Variants in RUVBL2 observed in about 807,000 individuals in gnomAD.
RUVBL2 encodes ruvB-like 2.
A neutral mutation model predicts 57.9 loss-of-function variants in RUVBL2; 9 were observed. The observed-to-expected ratio is 0.16, with a 90% CI of 0.09 to 0.27. The LOEUF (loss-of-function observed/expected upper bound fraction) is 0.27. Ranked by LOEUF, RUVBL2 falls within the 10% of genes least tolerant of loss-of-function variation. The pLI is 1.00. For missense variants in RUVBL2, 456 were observed against 669.6 expected, an observed-to-expected ratio of 0.68 and a Z score of 3.52; for synonymous variants, 278 against 264.6, an observed-to-expected ratio of 1.05 and a Z score of -0.49.
chr19:49,009,195 A>G (rs1279534769), intron 6 of RUVBL2, among the ~76,000 whole-genome samples: 2 of 118,666 alleles, frequency 1.7e-5, no homozygotes, highest in African/African-American at 3.5e-5. Context: ...AAAAAAAAAA[A>G]AGAGCTTTAT....
chr19:48,999,572 G>A (rs968886232), intron 2 of RUVBL2, among the ~76,000 whole-genome samples, 199 bp downstream of exon 2: 25 of 152,140 alleles, frequency 1.6e-4, no homozygotes, highest in African/African-American at 5.8e-4. Context: ...GATGCACTGG[G>A]GACCAGGCTG....
chr19:49,002,712 G>A (rs1327360985), intron 2 of RUVBL2, among the ~76,000 whole-genome samples: 1 of 152,112 alleles, frequency 6.6e-6, no homozygotes, highest in Non-Finnish European at 1.5e-5. Context: ...AGCCTCCTGA[G>A]AAGCTGGGAT....
chr19:49,004,556 C>A, intron 4 of RUVBL2, 138 bp downstream of exon 4: 1 of 852,628 alleles, frequency 1.2e-6, no homozygotes, highest in Non-Finnish European at 1.8e-6. Context: ...TCATTCTTGC[C>A]CATGGAAGAA....
At position 49,009,843 on chromosome 19, in the gene RUVBL2, A is replaced by G; in HGVS notation, c.530A>G (p.Lys177Arg). 1 of 1,614,096 alleles carries G rather than the reference A, an allele frequency of 6.2e-7. No individual in the cohort carries two copies. The highest frequency in any genetic ancestry group is 8.5e-7 in the Non-Finnish European group (1 of 1,180,014). Residue 177 changes from lysine to arginine, a missense_variant, in exon 7 of 15, where the codon AAG becomes AGG. By Grantham distance (26) the Lys-to-Arg change is conservative. Coordinates refer to ENST00000595090, the MANE Select transcript of RUVBL2 (RefSeq NM_006666.3). ...EMETIYDLGT[K>R]MIESLTKDKV... is the part of the protein sequence containing the mutation. ...GAGACCATCTACGACCTGGGCACCA[A>G]GATGATTGAGTCCCTGACCAAGGAC...
In RUVBL2 at chr19:48,993,911, C is replaced by T. The variant is rs751739466; in HGVS notation, c.-1C>T. On this transcript the variant is annotated 5_prime_UTR_variant, in exon 1 of 15. Transcript: ENST00000595090. ...TAGGACTCTGGCAGTTGGTGAGCAT[C>T]ATGGCAACCGTTGTAAGTGTGGGTG... The T allele has an allele frequency of 6.2e-7, 1 of 1,613,982 alleles. No individual in the cohort carries two copies. The highest frequency in any genetic ancestry group is 1.3e-5 in the African/African-American group (1 of 74,914).
chr19:49,008,966 C>T (rs923638487), intron 6 of RUVBL2, among the ~76,000 whole-genome samples: 22 of 147,276 alleles, frequency 1.5e-4, no homozygotes, highest in Admixed American at 1.1e-3. Context: ...GCAACAAGAG[C>T]GAAACTCCAT....
At chr19:49,006,844 C>T (rs990629798) in intron 4 of RUVBL2, among the ~76,000 whole-genome samples, 174 bp from the exon 5 acceptor site, 38 of 152,248 alleles carry the variant, frequency 2.5e-4, no homozygotes, top group Admixed American at 2.4e-3. Context: ...GGCTGAACCC[C>T]GCTCTCCAGT....
chr19:49,015,751 G>A lies in RUVBL2; in HGVS notation c.1366+65G>A, dbSNP rs545246639. The A allele has an allele frequency of 2.0e-5, 33 of 1,612,010 alleles. No individual in the cohort carries two copies. The East Asian group carries it at 2.9e-4, about 14-fold the overall frequency. ...CCTCAGAGGGAGGAAGAGGGAGCTC[G>A]GCGTAGAAGGCTCAGGCCCTGCCAC... On this transcript the variant is annotated intron_variant, in intron 14 of 14. Transcript: ENST00000595090.
chr19:48,993,571 A>C (rs757324739), upstream of RUVBL2: 3 of 477,072 alleles, frequency 6.3e-6, no homozygotes, highest in Non-Finnish European at 7.7e-6. Context: ...GGGGAGGAGG[A>C]GGAGGGTGGG....
intron 8 of RUVBL2, 21 bp from the exon 9 acceptor site, chr19:49,010,467 T>TGCCCCCCCCC: frequency 1.9e-5 from 26 of 1,401,194 alleles, no homozygotes; most frequent in Non-Finnish European, 2.5e-5. Context: ...CCGCCGTTCT[T>TGCCCCCCCCC]CCCCCACCCC....
Position 49,005,639 on chromosome 19 carries a change from CAT to C in RUVBL2, c.265+1222_265+1223del, listed in dbSNP as rs1568636495. Among the ~76,000 whole-genome samples the C allele has an allele frequency of 9.5e-5, 14 of 147,992 alleles. 2 individuals are homozygous for C. The highest frequency in any genetic ancestry group is 7.5e-5 in the Non-Finnish European group (5 of 67,054). On this transcript the variant is annotated intron_variant, in intron 4 of 14. Transcript: ENST00000595090. ...TCCTTTCTGCTTTCCTACTCTTCTTCATTTTTTTTTTTTTTTGAGACAGTTTC... is the reference window on the plus strand; with the variant it reads ...TCCTTTCTGCTTTCCTACTCTTCTTCTTTTTTTTTTTTTTGAGACAGTTTC...
chr19:49,008,947 C>T (rs540588578), intron 6 of RUVBL2, among the ~76,000 whole-genome samples: 2 of 152,000 alleles, frequency 1.3e-5, no homozygotes, highest in Non-Finnish European at 1.5e-5. Context: ...CCATTGCACT[C>T]CAGCCTGGGC....
chr19:49,009,716 G>C, intron 6 of RUVBL2, 60 bp from the exon 7 acceptor site: 1 of 1,414,164 alleles, frequency 7.1e-7, no homozygotes, highest in South Asian at 1.2e-5. Context: ...AACACTGGGG[G>C]CACTGGGGCA....
Position 49,012,843 on chromosome 19 carries a change from CCACACACA to C in RUVBL2, c.1001+1567_1001+1574del, listed in dbSNP as rs58302006. On this transcript the variant is annotated intron_variant, in intron 11 of 14. Coordinates refer to ENST00000595090, the MANE Select transcript of RUVBL2 (RefSeq NM_006666.3). Reference sequence around the variant, plus strand: ...TGGCACACTGCAGCCTCAGTGCCCACCACACACACACACACACACACACACACACACAC... The same window carrying C: ...TGGCACACTGCAGCCTCAGTGCCCACCACACACACACACACACACACACAC... Among the ~76,000 whole-genome samples the C allele has an allele frequency of 5.9e-3, 842 of 141,898 alleles. 9 individuals are homozygous for C. The highest frequency in any genetic ancestry group is 0.02 in the African/African-American group (773 of 37,904). 93.1% of individuals were successfully genotyped at this position (141,898 alleles called of 152,430 possible).
Position 49,009,980 on chromosome 19 carries a change from A to C in RUVBL2, c.577A>C (p.Ile193Leu), listed in dbSNP as rs1172566949. 1 of 1,597,234 alleles carries C rather than the reference A, an allele frequency of 6.3e-7. No homozygotes were observed. The highest frequency in any genetic ancestry group is 1.7e-5 in the Admixed American group (1 of 58,720). The part of the protein sequence containing the change: ...TKDKVQAGDV[I>L]TIDKATGKIS... Reference sequence around the variant, plus strand: ...CCCCCCATCCCCCTGTAGGGACGTGATCACCATCGACAAGGCGACGGGCAA... The same window carrying C: ...CCCCCCATCCCCCTGTAGGGACGTGCTCACCATCGACAAGGCGACGGGCAA... The change falls in exon 8 of 15, where the codon ATC (isoleucine) becomes CTC (leucine). Residue 193 changes from isoleucine to leucine, a missense_variant. By Grantham distance (5) the Ile-to-Leu change is conservative (BLOSUM62 2). Coordinates refer to ENST00000595090, the MANE Select transcript of RUVBL2 (RefSeq NM_006666.3).
At chr19:49,009,556 A>G (rs1367679260) in intron 6 of RUVBL2, among the ~76,000 whole-genome samples, 3 of 152,176 alleles carry the variant, frequency 2.0e-5, no homozygotes, top group Non-Finnish European at 4.4e-5. Flanking sequence ...AGTGTCCAGT[A>G]TGGTCCGTTG....
chr19:48,997,930 G>T (rs987770489), intron 1 of RUVBL2, among the ~76,000 whole-genome samples: 19 of 152,248 alleles, frequency 1.2e-4, no homozygotes, highest in African/African-American at 4.3e-4. Flanking sequence ...GGAAGCCTCG[G>T]TATATTCTTG....
intron 2 of RUVBL2, among the ~76,000 whole-genome samples, chr19:48,999,963 C>A (rs917500750): frequency 2.0e-5 from 3 of 152,158 alleles, no homozygotes; most frequent in African/African-American, 4.8e-5. Context: ...AGAGCTTTAC[C>A]GGCAGGGAAG....
At chr19:49,007,454 A>G in intron 6 of RUVBL2, 86 bp downstream of exon 6, 1 of 1,232,874 alleles carries the variant, frequency 8.1e-7, no homozygotes, top group African/African-American at 1.5e-5. Flanking sequence ...CACTGAGGTC[A>G]GAATCCCATG....
Sources: gnomAD v4.1 joint callset for allele counts (sites outside exome capture counted in the v4.1 genomes callset) on GRCh38, gnomAD v4.1.1 for gene constraint, MANE v1.5 for transcripts, NCBI Gene and HGNC (gene_info 2026-07-23, HGNC 2026-07-21) for gene names.